Variants in RBFOX1 observed in about 807,000 individuals in gnomAD.
The protein encoded by RBFOX1 is RNA binding fox-1 homolog 1, also known as RNA binding protein fox-1 homolog 1.
RBFOX1 carries 8 observed loss-of-function variants against 57.7 expected under a neutral mutation model. That is an observed-to-expected ratio of 0.14 (90% CI 0.08 to 0.25). The LOEUF (loss-of-function observed/expected upper bound fraction) is 0.25. Among genes scored for constraint, RBFOX1 ranks in the 10% least tolerant of loss-of-function variants. The pLI is 1.00. For synonymous variants in RBFOX1, 326 were observed against 222.4 expected, an observed-to-expected ratio of 1.47 and a Z score of -4.15; for missense variants, 611 against 548.5, an observed-to-expected ratio of 1.11 and a Z score of -1.14.
chr16:6,429,803 T>C (rs1025453205), intron 2 of RBFOX1, among the ~76,000 whole-genome samples: 2 of 152,170 alleles, frequency 1.3e-5, no homozygotes, highest in Admixed American at 6.6e-5. Flanking sequence ...GAATGTGAAC[T>C]GTGAGCCAAT....
At chr16:7,648,357 T>C (rs889236947) in intron 11 of RBFOX1, among the ~76,000 whole-genome samples, 1 of 152,102 alleles carries the variant, frequency 6.6e-6, no homozygotes, top group African/African-American at 2.4e-5. Context: ...CCCAAGTAGC[T>C]GGGACTACAG....
intron 1 of RBFOX1, among the ~76,000 whole-genome samples, chr16:5,291,909 C>T (rs1020125081): frequency 2.0e-5 from 3 of 151,186 alleles, no homozygotes; most frequent in Non-Finnish European, 4.4e-5. Flanking sequence ...GCCCTCCAGC[C>T]GAAGGTTACT....
chr16:6,239,512 T>C (rs2097528632), intron 1 of RBFOX1, among the ~76,000 whole-genome samples: 2 of 126,362 alleles, frequency 1.6e-5, no homozygotes, highest in South Asian at 5.6e-4. Context: ...TTTTTTTTTT[T>C]TTCTGAGATA....
intron 2 of RBFOX1, among the ~76,000 whole-genome samples, chr16:5,533,726 G>A (rs533948983): frequency 1.3e-5 from 2 of 152,314 alleles, no homozygotes; most frequent in Admixed American, 6.5e-5. Flanking sequence ...CATGTGGAGT[G>A]TGTTTCAAGG....
At chr16:6,076,998 G>A (rs937186226) in intron 1 of RBFOX1, among the ~76,000 whole-genome samples, 9 of 152,154 alleles carry the variant, frequency 5.9e-5, no homozygotes, top group African/African-American at 1.9e-4. Context: ...GAGCTTGACA[G>A]CCAATATCTA....
chr16:6,905,064 A>C (rs1040123252), intron 3 of RBFOX1, among the ~76,000 whole-genome samples: 7 of 152,134 alleles, frequency 4.6e-5, no homozygotes, highest in African/African-American at 1.7e-4. Flanking sequence ...TTACTTAATA[A>C]ACTTCGTTTA....
chr16:6,002,842 C>G (rs905541481), intron 4 of RBFOX1, among the ~76,000 whole-genome samples: 11 of 151,440 alleles, frequency 7.3e-5, no homozygotes, highest in African/African-American at 2.4e-4. Context: ...TTTGTGGACT[C>G]CCATAGGGTT....
chr16:7,464,936 A>T (rs1005306888), intron 4 of RBFOX1, among the ~76,000 whole-genome samples: 1 of 151,560 alleles, frequency 6.6e-6, no homozygotes, highest in Non-Finnish European at 1.5e-5. Context: ...TGACCTCGTG[A>T]TCAGTCCACC....
chr16:6,806,608 T>G (rs972911500), intron 3 of RBFOX1, among the ~76,000 whole-genome samples: 5 of 151,816 alleles, frequency 3.3e-5, no homozygotes, highest in Non-Finnish European at 5.9e-5. Flanking sequence ...GATCACATCA[T>G]TGGTTTTTTA....
intron 11 of RBFOX1, among the ~76,000 whole-genome samples, chr16:7,634,061 C>A (rs773462834): frequency 1.3e-5 from 2 of 152,156 alleles, no homozygotes; most frequent in African/African-American, 4.8e-5. Flanking sequence ...CCAACAGTTT[C>A]GATTTGCACA....
intron 2 of RBFOX1, among the ~76,000 whole-genome samples, chr16:6,601,845 G>T (rs1482203239): frequency 1.3e-5 from 2 of 152,154 alleles, no homozygotes; most frequent in East Asian, 3.9e-4. Flanking sequence ...TTAAAGAGAG[G>T]GGTTAGAGCT....
At position 5,748,225 on chromosome 16, in the gene RBFOX1, C is replaced by G. The variant is rs529026211; in HGVS notation, c.319-119078C>G. Among the ~76,000 whole-genome samples the G allele has an allele frequency of 7.2e-4, 110 of 152,178 alleles. 1 individual carries two copies. Among genetic ancestry groups the G allele is most frequent in the African/African-American group, 2.4e-3 (101 of 41,508 alleles). On this transcript the variant is annotated intron_variant, in intron 3 of 19. Transcript: ENST00000641259. ...AATCCTGAGTTCTAGTTTGATTGCA[C>G]TGTGGTCTGAGAGACAGTTTGTTAT...
At chr16:6,647,677 A>G (rs966004615) in intron 2 of RBFOX1, among the ~76,000 whole-genome samples, 1 of 152,228 alleles carries the variant, frequency 6.6e-6, no homozygotes, top group African/African-American at 2.4e-5. Context: ...CATTCAGTCC[A>G]TCATACTACG....
chr16:6,617,345 A>G (rs2098158242), intron 2 of RBFOX1, among the ~76,000 whole-genome samples: 1 of 152,066 alleles, frequency 6.6e-6, no homozygotes, highest in Non-Finnish European at 1.5e-5. Context: ...GTTGCCCTTA[A>G]CCTATACAGC....
intron 1 of RBFOX1, among the ~76,000 whole-genome samples, chr16:6,119,830 T>C (rs927832842): frequency 1.3e-5 from 2 of 152,194 alleles, no homozygotes; most frequent in African/African-American, 4.8e-5. Flanking sequence ...CACATTTCAG[T>C]GGAATTTAGC....
At chr16:7,288,728 C>G (rs1279120670) in intron 4 of RBFOX1, among the ~76,000 whole-genome samples, 2 of 152,320 alleles carry the variant, frequency 1.3e-5, no homozygotes, top group Non-Finnish European at 2.9e-5. Flanking sequence ...ATAATCCCGG[C>G]TACATTGGAG....
intron 3 of RBFOX1, among the ~76,000 whole-genome samples, chr16:6,685,705 A>G (rs1328079190): frequency 1.3e-5 from 2 of 152,168 alleles, no homozygotes; most frequent in Admixed American, 6.5e-5. Flanking sequence ...GAAAAACAAG[A>G]TGGCCTCATC....
intron 4 of RBFOX1, among the ~76,000 whole-genome samples, chr16:7,115,273 T>A (rs1350321092): frequency 2.0e-5 from 3 of 152,144 alleles, no homozygotes; most frequent in Non-Finnish European, 4.4e-5. Context: ...CGGTCACTCA[T>A]GGAAAAATGT....
At chr16:6,616,592 C>T (rs948009765) in intron 2 of RBFOX1, among the ~76,000 whole-genome samples, 6 of 152,200 alleles carry the variant, frequency 3.9e-5, no homozygotes, top group Non-Finnish European at 8.8e-5. Flanking sequence ...AGGAGAATAG[C>T]ATGAACCTGG....
Sources: gnomAD v4.1 joint callset for allele counts (sites outside exome capture counted in the v4.1 genomes callset) on GRCh38, gnomAD v4.1.1 for gene constraint, MANE v1.5 for transcripts, NCBI Gene and HGNC (gene_info 2026-07-23, HGNC 2026-07-21) for gene names.